The following CR1 variants were observed in gnomAD, a reference collection of about 807,000 sequenced individuals.
CR1 encodes the protein complement C3b/C4b receptor 1 (Knops blood group).
CR1 carries 116 observed loss-of-function variants against 187.3 expected under a neutral mutation model. The ratio of observed to expected loss-of-function variants is 0.62; its 90% CI spans 0.53 to 0.72. CR1 has a LOEUF of 0.72. CR1 is among the 30% of genes least tolerant of loss of function. CR1 has a pLI of 0.00. For synonymous variants in CR1, 576 were observed against 747.1 expected (o/e 0.77, Z 3.73); for missense variants, 1,731 against 2,110.7 (o/e 0.82, Z 3.52).
intron 34 of CR1, among the ~76,000 whole-genome samples, chr1:207,587,857 C>T (rs1661159067): frequency 6.6e-6 from 1 of 152,234 alleles, no homozygotes; most frequent in African/African-American, 2.4e-5. Flanking sequence ...TGTACATCAC[C>T]CCTTCTTCTT....
rs369370117 is a variant in CR1 at position 207,618,150 on chromosome 1, C to T, written c.6969C>T (p.Ile2323=). The T allele has an allele frequency of 2.5e-6, 4 of 1,613,834 alleles. No individual in the cohort carries two copies. The African/African-American group carries it at 5.3e-5, about 22-fold the overall frequency. ...CTCTATATCTTCCTGGGATGACAATCAGCTACATTTGTGACCCCGGCTACC... is the reference window on the plus strand; with the variant it reads ...CTCTATATCTTCCTGGGATGACAATTAGCTACATTTGTGACCCCGGCTACC... The part of the protein sequence containing the change: ...HVSLYLPGMT[I]SYICDPGYLL... Residue 2323 remains isoleucine (I), a synonymous_variant, in exon 42 of 47, where the codon ATC becomes ATT. Transcript: ENST00000367049.
chr1:207,605,444 ACAC>A (rs1322274341), intron 35 of CR1, among the ~76,000 whole-genome samples: 33 of 152,082 alleles, frequency 2.2e-4, no homozygotes, highest in African/African-American at 8.0e-4. Flanking sequence ...ATATATCAAA[ACAC>A]CACATTTTAC....
At chr1:207,588,241 C>T (rs780306221) in intron 34 of CR1, among the ~76,000 whole-genome samples, 18 of 152,124 alleles carry the variant, frequency 1.2e-4, no homozygotes, top group Admixed American at 2.6e-4. Context: ...TGTAGTGGCG[C>T]GATCTTGGCT....
intron 5 of CR1, 63 bp from the exon 6 acceptor site, chr1:207,526,690 G>A: frequency 6.7e-7 from 1 of 1,487,098 alleles, no homozygotes; most frequent in Non-Finnish European, 8.9e-7. Flanking sequence ...CCCTTGGCCA[G>A]TTTAACAGTG....
intron 41 of CR1, among the ~76,000 whole-genome samples, chr1:207,617,507 A>ATG (rs1167357538): frequency 0.23 from 10,910 of 46,946 alleles, 2,271 homozygotes; most frequent in South Asian, 0.38. Context: ...ATATATATAT[A>ATG]TGTGTGTGTG....
intron 39 of CR1, among the ~76,000 whole-genome samples, chr1:207,613,187 A>G (rs1571596005): frequency 6.6e-6 from 1 of 152,122 alleles, no homozygotes; most frequent in Non-Finnish European, 1.5e-5. Context: ...GAAGAGTTTT[A>G]TTGAGTGACA....
chr1:207,639,516 C>A lies in CR1; in HGVS notation c.*107C>A, dbSNP rs908837632. 2.7e-6 allele frequency: 3 copies of A among 1,112,288 alleles called. No homozygotes were observed. Among genetic ancestry groups the A allele is most frequent in the Non-Finnish European group, 4.0e-6 (3 of 758,520 alleles). The allele number at this position is 1,112,288 out of a possible 1,614,324, so 68.9% of individuals were successfully genotyped here. On this transcript the variant is annotated 3_prime_UTR_variant, in exon 47 of 47. Coordinates refer to ENST00000367049, the MANE Select transcript of CR1 (RefSeq NM_000651.6). The stretch of plus-strand genomic sequence containing the variant: ...GAGCTTCATAAAGTCTTTGAAGTGA[C>A]TTCACAGAGACGCAGACATGTGCAC...
At chr1:207,610,081 T>C (rs1661876268) in intron 37 of CR1, among the ~76,000 whole-genome samples, 1 of 152,122 alleles carries the variant, frequency 6.6e-6, no homozygotes, top group Non-Finnish European at 1.5e-5. Flanking sequence ...TCTCTATCCC[T>C]GGAGTGGGGC....
intron 37 of CR1, 54 bp downstream of exon 37, chr1:207,609,742 G>T: frequency 6.8e-7 from 1 of 1,471,372 alleles, no homozygotes; most frequent in East Asian, 2.4e-5. Flanking sequence ...ATAGATGATA[G>T]GAGTTGTTGA....
chr1:207,597,574 A>T (rs925735488), intron 35 of CR1, among the ~76,000 whole-genome samples: 3 of 152,162 alleles, frequency 2.0e-5, no homozygotes, highest in Admixed American at 2.0e-4. Flanking sequence ...GATGGTTATA[A>T]TATTTTTAAA....
chr1:207,590,807 C>T (rs2102357865), intron 35 of CR1, among the ~76,000 whole-genome samples: 1 of 152,280 alleles, frequency 6.6e-6, no homozygotes, highest in South Asian at 2.1e-4. Context: ...GCAGGGGTTA[C>T]AGTCCTAGTC....
chr1:207,511,952 A>T (rs1659635250), intron 4 of CR1, among the ~76,000 whole-genome samples: 1 of 152,174 alleles, frequency 6.6e-6, no homozygotes. Context: ...TATAATAATC[A>T]TCTTGCTTGG....
chr1:207,526,009 G>A (rs1272795487), intron 5 of CR1, among the ~76,000 whole-genome samples: 3 of 152,076 alleles, frequency 2.0e-5, no homozygotes, highest in East Asian at 1.9e-4. Context: ...AGATCCAAAT[G>A]TGTTCTGATT....
chr1:207,612,015 A>G lies in CR1; in HGVS notation c.6549A>G (p.Ala2183=). The change falls in exon 39 of 47, where the codon GCA becomes GCG. Residue 2183 remains alanine (A), a synonymous_variant. Transcript: ENST00000367049. ...VLLPLNLQLG[A]KVSFVCDEGF... ...TTCCACTTAATCTCCAGCTTGGGGC[A>G]AAGGTGTCCTTTGTTTGCGATGAAG... 1 of 1,614,010 alleles carries G rather than the reference A, an allele frequency of 6.2e-7. No individual in the cohort carries two copies.
intron 35 of CR1, among the ~76,000 whole-genome samples, chr1:207,604,738 T>C (rs1316273099): frequency 6.6e-6 from 1 of 152,210 alleles, no homozygotes; most frequent in Non-Finnish European, 1.5e-5. Context: ...TGCCTTAAAA[T>C]ACCTTCCAAA....
chr1:207,629,891 T>G (rs887636461), intron 45 of CR1, among the ~76,000 whole-genome samples: 3 of 152,220 alleles, frequency 2.0e-5, no homozygotes, highest in Non-Finnish European at 2.9e-5. Flanking sequence ...TCATTTTCCT[T>G]GCCTGTGAAA....
chr1:207,502,545 T>C (rs949830680), intron 1 of CR1, among the ~76,000 whole-genome samples: 2 of 152,008 alleles, frequency 1.3e-5, no homozygotes, highest in Non-Finnish European at 2.9e-5. Flanking sequence ...ACGGGAAAAA[T>C]GTGTGTCTTT....
At chr1:207,598,050 T>C (rs1205031754) in intron 35 of CR1, among the ~76,000 whole-genome samples, 1 of 152,230 alleles carries the variant, frequency 6.6e-6, no homozygotes, top group Non-Finnish European at 1.5e-5. Context: ...TAAGAAAATT[T>C]ATTGGACTAA....
chr1:207,625,658 T>C (rs1662457486), intron 45 of CR1, among the ~76,000 whole-genome samples: 4 of 152,096 alleles, frequency 2.6e-5, no homozygotes, highest in Non-Finnish European at 5.9e-5. Context: ...GCTAGGGTTT[T>C]TATAGATCAT....
Sources: gnomAD v4.1 joint callset for allele counts (sites outside exome capture counted in the v4.1 genomes callset) on GRCh38, gnomAD v4.1.1 for gene constraint, MANE v1.5 for transcripts, NCBI Gene and HGNC (gene_info 2026-07-23, HGNC 2026-07-21) for gene names.